The following CFAP95 variants were observed in gnomAD, a reference collection of about 807,000 sequenced individuals.
CFAP95 encodes cilia- and flagella-associated protein 95.
chr9:69,855,703 C>T, the CFAP95 span, among the ~76,000 whole-genome samples: 1 of 152,224 alleles, frequency 6.6e-6, no homozygotes, highest in African/African-American at 2.4e-5. Context: ...TTTGACTAGG[C>T]TAGACTCCTG....
the CFAP95 span, among the ~76,000 whole-genome samples, chr9:69,905,250 A>T: frequency 6.6e-6 from 1 of 152,188 alleles, no homozygotes. Context: ...ATTTAATTTC[A>T]ACATTGTCCT....
At chr9:69,905,990 A>G in the CFAP95 span, 2 of 1,611,688 alleles carry the variant, frequency 1.2e-6, no homozygotes, top group East Asian at 4.5e-5. Context: ...CATAGTCCAC[A>G]GAAAATGCCG....
chr9:69,886,664 C>T, the CFAP95 span, among the ~76,000 whole-genome samples: 1 of 152,112 alleles, frequency 6.6e-6, no homozygotes, highest in East Asian at 1.9e-4. Flanking sequence ...GGGTACCCTG[C>T]TGCTGGTGGG....
chr9:69,840,172 A>G, the CFAP95 span, among the ~76,000 whole-genome samples: 1 of 152,106 alleles, frequency 6.6e-6, no homozygotes, highest in Non-Finnish European at 1.5e-5. Context: ...ATTCTATTTT[A>G]GTACATGTAT....
the CFAP95 span, among the ~76,000 whole-genome samples, chr9:69,866,250 A>G: frequency 1.3e-5 from 2 of 152,152 alleles, no homozygotes; most frequent in Admixed American, 6.5e-5. Flanking sequence ...ATGTATGAGG[A>G]GATTTATCAT....
the CFAP95 span, among the ~76,000 whole-genome samples, chr9:69,848,026 G>T: frequency 6.6e-6 from 1 of 152,184 alleles, no homozygotes; most frequent in Non-Finnish European, 1.5e-5. Flanking sequence ...GGATATAAGA[G>T]AATTGAAATG....
chr9:69,858,302 AG>A, the CFAP95 span: 2 of 315,852 alleles, frequency 6.3e-6, no homozygotes, highest in Non-Finnish European at 1.2e-5. Flanking sequence ...ATGGTAAAAA[AG>A]GGAAGGCACC....
the CFAP95 span, among the ~76,000 whole-genome samples, chr9:69,831,653 C>G: frequency 6.6e-6 from 1 of 152,220 alleles, no homozygotes; most frequent in Non-Finnish European, 1.5e-5. Flanking sequence ...CAGGGAGCAT[C>G]CAAGAGGAGC....
chr9:69,833,290 G>C, the CFAP95 span, among the ~76,000 whole-genome samples: 4 of 152,170 alleles, frequency 2.6e-5, no homozygotes, highest in South Asian at 8.3e-4. Context: ...ACATATAGTC[G>C]TTACATAATA....
At chr9:69,900,356 A>G in the CFAP95 span, among the ~76,000 whole-genome samples, 2,358 of 152,304 alleles carry the variant, frequency 0.015, 64 homozygotes, top group African/African-American at 0.053. Flanking sequence ...AGATACATGA[A>G]GAGAAGGATG....
the CFAP95 span, among the ~76,000 whole-genome samples, chr9:69,870,383 T>G: frequency 6.6e-6 from 1 of 152,222 alleles, no homozygotes; most frequent in Non-Finnish European, 1.5e-5. Flanking sequence ...CTTGAATAAC[T>G]AAGACATTTA....
the CFAP95 span, among the ~76,000 whole-genome samples, chr9:69,903,893 A>G: frequency 6.6e-6 from 1 of 151,894 alleles, no homozygotes; most frequent in Non-Finnish European, 1.5e-5. Flanking sequence ...TGCCCAGCTA[A>G]TTTTTTATTT....
At chr9:69,899,649 C>T in the CFAP95 span, among the ~76,000 whole-genome samples, 2 of 152,190 alleles carry the variant, frequency 1.3e-5, no homozygotes, top group Admixed American at 1.3e-4. Flanking sequence ...ATTAGAATGA[C>T]CCACTGTGGC....
chr9:69,827,354 A>G, the CFAP95 span, among the ~76,000 whole-genome samples: 1 of 152,262 alleles, frequency 6.6e-6, no homozygotes, highest in South Asian at 2.1e-4. Context: ...TCAGATGCAT[A>G]TATAAAATTT....
the CFAP95 span, among the ~76,000 whole-genome samples, chr9:69,883,974 G>A: frequency 6.6e-6 from 1 of 151,940 alleles, no homozygotes; most frequent in African/African-American, 2.4e-5. Flanking sequence ...GCATCAATAG[G>A]TTATTTAGGT....
the CFAP95 span, among the ~76,000 whole-genome samples, chr9:69,902,938 G>T: frequency 6.6e-6 from 1 of 152,008 alleles, no homozygotes; most frequent in Non-Finnish European, 1.5e-5. Flanking sequence ...TATTTCCTCT[G>T]ATTCCAAGTA....
chr9:69,861,524 C>A, the CFAP95 span, among the ~76,000 whole-genome samples: 3 of 151,952 alleles, frequency 2.0e-5, no homozygotes, highest in Admixed American at 2.0e-4. Flanking sequence ...TAGCTTTCTG[C>A]TAAGGGAGGG....
the CFAP95 span, among the ~76,000 whole-genome samples, chr9:69,854,844 T>C: frequency 6.6e-6 from 1 of 152,198 alleles, no homozygotes; most frequent in South Asian, 2.1e-4. Context: ...AACTATCAGG[T>C]GGCCCTCACT....
the CFAP95 span, among the ~76,000 whole-genome samples, chr9:69,863,184 A>G: frequency 4.6e-5 from 7 of 152,288 alleles, no homozygotes; most frequent in African/African-American, 1.7e-4. Context: ...GTGAGTCTCC[A>G]AGGAATTGAC....
Sources: gnomAD v4.1 joint callset for allele counts (sites outside exome capture counted in the v4.1 genomes callset) on GRCh38, gnomAD v4.1.1 for gene constraint, MANE v1.5 for transcripts, NCBI Gene and HGNC (gene_info 2026-07-23, HGNC 2026-07-21) for gene names.